DENR: variants seen among roughly 807,000 people sequenced by gnomAD.
DENR encodes density-regulated protein.
DENR carries 6 observed loss-of-function variants against 30.6 expected under a neutral mutation model. That is an observed-to-expected ratio of 0.20 (90% CI 0.11 to 0.39). The LOEUF (loss-of-function observed/expected upper bound fraction) is 0.39, where lower values mean the gene tolerates loss of function less well. Among genes scored for constraint, DENR ranks in the 10% least tolerant of loss-of-function variants. DENR has a pLI of 1.00. For missense variants in DENR, 141 were observed against 230.9 expected (o/e 0.61, Z 2.52); for synonymous variants, 78 against 72.1 (o/e 1.08, Z -0.41).
chr12:122,757,905 T>C (rs895966696), intron 2 of DENR, among the ~76,000 whole-genome samples: 2 of 152,166 alleles, frequency 1.3e-5, no homozygotes, highest in Non-Finnish European at 2.9e-5. Flanking sequence ...TTTTCCACCC[T>C]CCTCCCCAAA....
chr12:122,762,184 C>T lies in DENR; in HGVS notation c.107-3C>T, dbSNP rs1878718518. On this transcript the variant is annotated splice_polypyrimidine_tract_variant and splice_region_variant and intron_variant, in intron 2 of 7. Transcript: ENST00000280557. ...CAAATCTTTTTTCTTTTTACTTCCT[C>T]AGTCTGTTCATTACCAACAGAGGTA... is the stretch of plus-strand genomic sequence containing the variant. 13 of 1,426,004 alleles carry T rather than the reference C, an allele frequency of 9.1e-6. No homozygotes were observed. Among genetic ancestry groups the T allele is most frequent in the Non-Finnish European group, 1.2e-5 (13 of 1,047,962 alleles). The allele number at this position is 1,426,004 out of a possible 1,614,324, so 88.3% of individuals were successfully genotyped here. A position where few individuals can be genotyped will look rare whatever the true frequency, so the allele number is the denominator to read the frequency against.
intron 2 of DENR, among the ~76,000 whole-genome samples, chr12:122,755,570 C>T (rs1318896356): frequency 6.6e-6 from 1 of 152,042 alleles, no homozygotes; most frequent in Non-Finnish European, 1.5e-5. Context: ...CAGTGCGAGA[C>T]CCCATCTCAA....
chr12:122,768,754 C>CTT, intron 6 of DENR, 28 bp from the exon 7 acceptor site: 1 of 1,515,442 alleles, frequency 6.6e-7, no homozygotes, highest in Non-Finnish European at 8.9e-7. Context: ...AATTACAGTT[C>CTT]TTGCTCTTTC....
At chr12:122,767,674 G>A in intron 6 of DENR, 70 bp downstream of exon 6, 1 of 840,012 alleles carries the variant, frequency 1.2e-6, no homozygotes, top group African/African-American at 1.8e-5. Context: ...CTATCTCTCT[G>A]TCTCTCTCTC....
rs1732407435 is a variant in DENR, at chr12:122,762,837, T to C, written c.127-8T>C. The C allele has an allele frequency of 1.3e-6, 2 of 1,510,564 alleles. No individual in the cohort carries two copies. The highest frequency in any genetic ancestry group is 1.8e-6 in the Non-Finnish European group (2 of 1,123,500). 93.6% of individuals were successfully genotyped at this position (1,510,564 alleles called of 1,614,324 possible). ...TTGTTGTGACTCAGTTCTTTTTTTTTCTCCTAGTACTGTGAATATATGCCT... is the reference window on the plus strand; with the variant it reads ...TTGTTGTGACTCAGTTCTTTTTTTTCCTCCTAGTACTGTGAATATATGCCT... On this transcript the variant is annotated splice_region_variant and splice_polypyrimidine_tract_variant and intron_variant, in intron 3 of 7. Coordinates refer to ENST00000280557, the MANE Select transcript of DENR (RefSeq NM_003677.5).
intron 5 of DENR, among the ~76,000 whole-genome samples, chr12:122,765,625 C>G (rs190866461): frequency 6.6e-6 from 1 of 152,034 alleles, no homozygotes; most frequent in Non-Finnish European, 1.5e-5. Context: ...GAGACCTCAT[C>G]CCTTACAAAA....
At chr12:122,753,842 A>G (rs147566100) in intron 2 of DENR, 35 bp downstream of exon 2, 1 of 1,500,172 alleles carries the variant, frequency 6.7e-7, no homozygotes, top group Non-Finnish European at 9.3e-7. Flanking sequence ...ACTTTTACTC[A>G]CTATACTTTT....
rs1208978729 is a variant in DENR, at chr12:122,770,878, A to G, written c.*1800A>G. The G allele has an allele frequency of 3.5e-5, 14 of 396,102 alleles. No individual in the cohort carries two copies. In the East Asian group the frequency reaches 3.6e-4, roughly 10 times the overall value. The allele number at this position is 396,102 out of a possible 1,614,324, so 24.5% of individuals were successfully genotyped here. On this transcript the variant is annotated 3_prime_UTR_variant, in exon 8 of 8. Transcript: ENST00000280557. ...TGAAGCAGATTTATCCATCGAGACT[A>G]TCTGGTATGCGTTATGTATGTAGTC...
At chr12:122,767,666 ATCTCTCTGTCTCTCTCTC>A in intron 6 of DENR, 62 bp downstream of exon 6, 1 of 954,430 alleles carries the variant, frequency 1.0e-6, no homozygotes, top group Non-Finnish European at 1.5e-6. Context: ...GTCTCCCTCT[ATCTCTCTGTCTCTCTCTC>A]TCTCACATAC....
At chr12:122,753,917 T>G in intron 2 of DENR, 110 bp downstream of exon 2, 1 of 932,062 alleles carries the variant, frequency 1.1e-6, no homozygotes, top group South Asian at 1.4e-5. Context: ...TTTGGTGAGT[T>G]TGTACTGGGG....
chr12:122,763,532 C>T (rs1878763580), intron 4 of DENR, among the ~76,000 whole-genome samples: 1 of 151,982 alleles, frequency 6.6e-6, no homozygotes, highest in South Asian at 2.1e-4. Context: ...ATGGAGAAAC[C>T]CTGTTTCTAC....
intron 2 of DENR, among the ~76,000 whole-genome samples, chr12:122,759,687 C>T (rs1023897868): frequency 2.6e-5 from 4 of 152,036 alleles, no homozygotes; most frequent in African/African-American, 7.2e-5. Flanking sequence ...TGCCATTGCA[C>T]TCCAGCCTGG....
At chr12:122,753,292 T>C (rs1878461987) in intron 1 of DENR, among the ~76,000 whole-genome samples, 1 of 152,008 alleles carries the variant, frequency 6.6e-6, no homozygotes, top group African/African-American at 2.4e-5. Flanking sequence ...CACCCCTTGT[T>C]CCTAGGCACT....
At chr12:122,760,761 G>T (rs1182812656) in intron 2 of DENR, among the ~76,000 whole-genome samples, 1 of 151,978 alleles carries the variant, frequency 6.6e-6, no homozygotes, top group Non-Finnish European at 1.5e-5. Flanking sequence ...AAAATAAGCA[G>T]TTGACCCAGT....
At chr12:122,768,950 G>C in intron 7 of DENR, 29 bp downstream of exon 7, 2 of 1,604,070 alleles carry the variant, frequency 1.2e-6, no homozygotes, top group Non-Finnish European at 1.7e-6. Context: ...TACATCGCTA[G>C]AGATAAGTTT....
chr12:122,766,578 A>G (rs1304252867), intron 5 of DENR, among the ~76,000 whole-genome samples: 4 of 152,300 alleles, frequency 2.6e-5, no homozygotes, highest in Non-Finnish European at 4.4e-5. Flanking sequence ...CAAACACTGC[A>G]CTTTGGAAAT....
intron 2 of DENR, among the ~76,000 whole-genome samples, chr12:122,759,474 G>C (rs1317496338): frequency 6.6e-6 from 1 of 152,154 alleles, no homozygotes; most frequent in African/African-American, 2.4e-5. Flanking sequence ...CAGCACTTTG[G>C]GAGGCTGAGG....
intron 2 of DENR, among the ~76,000 whole-genome samples, chr12:122,761,095 AGAGT>A (rs1878687417): frequency 1.3e-5 from 2 of 152,124 alleles, no homozygotes; most frequent in African/African-American, 4.8e-5. Context: ...CCTGAGTGAC[AGAGT>A]GAGAGTGAGA....
chr12:122,754,662 G>A (rs1878500669), intron 2 of DENR, among the ~76,000 whole-genome samples: 2 of 152,156 alleles, frequency 1.3e-5, no homozygotes, highest in Admixed American at 1.3e-4. Context: ...TACCGTAGAA[G>A]GAGAAATGAT....
Sources: gnomAD v4.1 joint callset for allele counts (sites outside exome capture counted in the v4.1 genomes callset) on GRCh38, gnomAD v4.1.1 for gene constraint, MANE v1.5 for transcripts, NCBI Gene and HGNC (gene_info 2026-07-23, HGNC 2026-07-21) for gene names.